Variants in LYST observed in about 807,000 individuals in gnomAD.
LYST encodes lysosomal-trafficking regulator.
A neutral mutation model predicts 413.6 loss-of-function variants in LYST; 192 were observed. The observed-to-expected ratio is 0.46, with a 90% CI of 0.41 to 0.52. The LOEUF is 0.52. Among genes scored for constraint, LYST ranks in the 20% least tolerant of loss-of-function variants. The pLI, the probability that LYST is intolerant of heterozygous loss-of-function variation, is 0.00. For synonymous variants in LYST, 1,525 were observed against 1,567.3 expected (o/e 0.97, Z 0.64); for missense variants, 3,815 against 4,499.9 (o/e 0.85, Z 4.35).
chr1:235,837,398 T>G (rs1572412394), intron 1 of LYST, among the ~76,000 whole-genome samples: 1 of 151,948 alleles, frequency 6.6e-6, no homozygotes, highest in African/African-American at 2.4e-5. Context: ...GAAGGTGAGG[T>G]AGGCTAATCA....
chr1:235,823,378 G>A (rs911444514), intron 3 of LYST, among the ~76,000 whole-genome samples: 1 of 152,078 alleles, frequency 6.6e-6, no homozygotes, highest in African/African-American at 2.4e-5. Flanking sequence ...GTAAATTAAT[G>A]CTCATTTATT....
At chr1:235,745,489 C>T (rs1388148623) in intron 29 of LYST, among the ~76,000 whole-genome samples, 3 of 152,174 alleles carry the variant, frequency 2.0e-5, no homozygotes, top group Admixed American at 1.3e-4. Context: ...TGTAAAACTA[C>T]AGCCACTCTG....
upstream of LYST, among the ~76,000 whole-genome samples, chr1:235,869,623 G>A (rs1016204069): frequency 1.3e-5 from 2 of 152,322 alleles, no homozygotes; most frequent in East Asian, 1.9e-4. Flanking sequence ...CACAGTCAAC[G>A]TAAATGTGCA....
At chr1:235,838,989 G>A (rs1021902743) in intron 1 of LYST, among the ~76,000 whole-genome samples, 5 of 150,028 alleles carry the variant, frequency 3.3e-5, no homozygotes, top group South Asian at 2.1e-4. Context: ...CCACCCCTGC[G>A]CCCTTTCTTT....
chr1:235,710,773 C>A (rs1378521553), intron 43 of LYST, among the ~76,000 whole-genome samples: 1 of 152,176 alleles, frequency 6.6e-6, no homozygotes, highest in Non-Finnish European at 1.5e-5. Context: ...TAAGAACAGG[C>A]TGGAAAAGGC....
Position 235,770,217 on chromosome 1 carries a change from C to T in LYST, c.5865G>A (p.Lys1955=), listed in dbSNP as rs1342926887. 1 of 1,613,746 alleles carries T rather than the reference C, an allele frequency of 6.2e-7. No homozygotes were observed. The highest frequency in any genetic ancestry group is 8.5e-7 in the Non-Finnish European group (1 of 1,179,750). Residue 1955 remains lysine (K), a synonymous_variant, in exon 20 of 53, where the codon AAG becomes AAA. Transcript: ENST00000389793. Reference sequence around the variant, plus strand: ...GAACCACTTGAGCTTTCAATAACTGCTTAATATTAAACATCTGCTGGTGGT... The same window carrying T: ...GAACCACTTGAGCTTTCAATAACTGTTTAATATTAAACATCTGCTGGTGGT... The part of the protein sequence containing the change: ...ADHHQQMFNI[K]QLLKAQVVHH...
chr1:235,807,982 T>C (rs1186072165), intron 5 of LYST, among the ~76,000 whole-genome samples: 1 of 152,204 alleles, frequency 6.6e-6, no homozygotes, highest in East Asian at 1.9e-4. Flanking sequence ...ACCCATAAGA[T>C]ATTATAATCA....
rs548072544 is a variant in LYST, at chr1:235,768,001, C to A, written c.5923-1724G>T. ...ACTCTTTCTGTATCTCTTTCAATAGCCCCTTTTTCTGGTTTCACATCCTGA... is the reference window on the plus strand; with the variant it reads ...ACTCTTTCTGTATCTCTTTCAATAGACCCTTTTTCTGGTTTCACATCCTGA... On this transcript the variant is annotated intron_variant, in intron 20 of 52. Transcript: ENST00000389793. 1.4e-4 allele frequency among the ~76,000 whole-genome samples: 22 copies of A among 152,160 alleles called. No homozygotes were observed. In the South Asian group the frequency reaches 2.5e-3, roughly 17 times the overall value.
At chr1:235,778,949 C>A (rs1236184295) in intron 16 of LYST, among the ~76,000 whole-genome samples, 1 of 151,716 alleles carries the variant, frequency 6.6e-6, no homozygotes, top group African/African-American at 2.4e-5. Context: ...TCTCTGCAAT[C>A]TCCGCCTCCT....
At chr1:235,754,202 A>G in intron 25 of LYST, among the ~76,000 whole-genome samples, 1 of 148,656 alleles carries the variant, frequency 6.7e-6, no homozygotes, top group Non-Finnish European at 1.5e-5. Context: ...CTGAGAATAC[A>G]TGAGCTATCT....
intron 20 of LYST, among the ~76,000 whole-genome samples, chr1:235,766,550 G>A (rs1282623104): frequency 1.3e-5 from 2 of 152,014 alleles, no homozygotes; most frequent in South Asian, 2.1e-4. Flanking sequence ...TCTCACAAGC[G>A]TGGTCTCAAA....
At chr1:235,816,332 T>C (rs1674077621) in intron 3 of LYST, among the ~76,000 whole-genome samples, 1 of 147,848 alleles carries the variant, frequency 6.8e-6, no homozygotes, top group African/African-American at 2.5e-5. Context: ...TCCCAGCTAC[T>C]CGGGAGCTGA....
chr1:235,874,189 CA>C (rs996804282), intron 1 of LYST, among the ~76,000 whole-genome samples: 1 of 152,104 alleles, frequency 6.6e-6, no homozygotes, highest in African/African-American at 2.4e-5. Flanking sequence ...TGCACCATTT[CA>C]AAAAAATGTC....
At chr1:235,771,752 T>C (rs1485195868) in intron 19 of LYST, among the ~76,000 whole-genome samples, 1 of 152,138 alleles carries the variant, frequency 6.6e-6, no homozygotes, top group African/African-American at 2.4e-5. Flanking sequence ...CCTTTCAAAA[T>C]ACTTTTCTCT....
intron 14 of LYST, among the ~76,000 whole-genome samples, chr1:235,784,132 G>GGCCTATCA (rs1399087912): frequency 6.6e-6 from 1 of 151,978 alleles, no homozygotes; most frequent in African/African-American, 2.4e-5. Flanking sequence ...CTTCTGCCTC[G>GGCCTATCA]GCCTATCAAA....
At position 235,766,295 on chromosome 1, in the gene LYST, A is replaced by C. The variant is rs1381158333; in HGVS notation, c.5923-18T>G. 4 of 1,568,692 alleles carry C rather than the reference A, an allele frequency of 2.5e-6. No homozygotes were observed. In the African/African-American group the frequency reaches 4.1e-5, roughly 16 times the overall value. On this transcript the variant is annotated intron_variant, in intron 20 of 52. Coordinates refer to ENST00000389793, the MANE Select transcript of LYST (RefSeq NM_000081.4). ...TTGTATTCCTGAAAAAATAAAAAAA[A>C]CTCTCTTTAGATTTAAAGAATTGTC...
chr1:235,867,444 C>T (rs1370976666), upstream of LYST, among the ~76,000 whole-genome samples: 1 of 152,202 alleles, frequency 6.6e-6, no homozygotes, highest in East Asian at 1.9e-4. Flanking sequence ...CTGGAAAAAG[C>T]CATATTGTAA....
At position 235,667,974 on chromosome 1, in the gene LYST, T is replaced by C. The variant is rs546546751; in HGVS notation, c.11039-3353A>G. ...CCGTGCCTGGCCTCCTCCTGTATTC[T>C]TTAAATCACCTCTAGATTATTTATA... On this transcript the variant is annotated intron_variant, in intron 50 of 52. Transcript: ENST00000389793. 3.3e-5 allele frequency among the ~76,000 whole-genome samples: 5 copies of C among 152,276 alleles called. No individual in the cohort carries two copies. The South Asian group carries it at 1.0e-3, about 32-fold the overall frequency.
intron 1 of LYST, among the ~76,000 whole-genome samples, chr1:235,834,523 C>G (rs1247265920): frequency 6.6e-6 from 1 of 152,164 alleles, no homozygotes; most frequent in Non-Finnish European, 1.5e-5. Flanking sequence ...CAGGCGTGAG[C>G]CACTGTACCT....
Sources: gnomAD v4.1 joint callset for allele counts (sites outside exome capture counted in the v4.1 genomes callset) on GRCh38, gnomAD v4.1.1 for gene constraint, MANE v1.5 for transcripts, NCBI Gene and HGNC (gene_info 2026-07-23, HGNC 2026-07-21) for gene names.